VSNL1: variants seen among roughly 807,000 people sequenced by gnomAD.
VSNL1 encodes visinin like 1.
A neutral mutation model predicts 20.4 loss-of-function variants in VSNL1; 6 were observed. The observed-to-expected ratio is 0.29, with a 90% CI of 0.16 to 0.58. VSNL1 has a LOEUF of 0.58. VSNL1 is among the 20% of genes least tolerant of loss of function. The pLI is 0.90. For synonymous variants in VSNL1, 93 were observed against 86.4 expected (o/e 1.08, Z -0.42); for missense variants, 100 against 234.5 (o/e 0.43, Z 3.75).
At chr2:17,599,502 C>T (rs1284650607) in intron 2 of VSNL1, among the ~76,000 whole-genome samples, 2 of 152,180 alleles carry the variant, frequency 1.3e-5, no homozygotes, top group African/African-American at 4.8e-5. Context: ...TCTTGGCAGC[C>T]TTGCTGAGAT....
At chr2:17,636,653 TTGAA>T (rs539534123) in intron 2 of VSNL1, among the ~76,000 whole-genome samples, 6 of 152,356 alleles carry the variant, frequency 3.9e-5, no homozygotes, top group East Asian at 1.9e-4. Flanking sequence ...TGATTACATG[TTGAA>T]TGAATGATGT....
chr2:17,631,521 A>G (rs1339695547), intron 2 of VSNL1, among the ~76,000 whole-genome samples: 2 of 152,226 alleles, frequency 1.3e-5, no homozygotes, highest in East Asian at 3.8e-4. Flanking sequence ...TGGTTTGACA[A>G]TATGGGTCAC....
chr2:17,639,837 G>A (rs1665843225), intron 2 of VSNL1, among the ~76,000 whole-genome samples: 1 of 152,196 alleles, frequency 6.6e-6, no homozygotes, highest in African/African-American at 2.4e-5. Context: ...CTGTTCAATA[G>A]TGGAAGAACT....
chr2:17,628,452 C>T (rs773099330), intron 2 of VSNL1, among the ~76,000 whole-genome samples: 5 of 152,196 alleles, frequency 3.3e-5, no homozygotes, highest in East Asian at 1.9e-4. Flanking sequence ...CACTAGGTAC[C>T]GAGGGGCAGG....
chr2:17,632,339 C>T (rs192103730), intron 2 of VSNL1, among the ~76,000 whole-genome samples: 9 of 151,988 alleles, frequency 5.9e-5, no homozygotes, highest in Non-Finnish European at 1.3e-4. Context: ...GTCTTGCTGT[C>T]GCCCAGGCTG....
At chr2:17,587,564 C>G (rs558193994) in intron 1 of VSNL1, among the ~76,000 whole-genome samples, 2 of 152,212 alleles carry the variant, frequency 1.3e-5, no homozygotes, top group South Asian at 4.2e-4. Flanking sequence ...AACCTGCTAT[C>G]AAGACAGGGT....
At chr2:17,632,450 A>G (rs1665656333) in intron 2 of VSNL1, among the ~76,000 whole-genome samples, 1 of 151,912 alleles carries the variant, frequency 6.6e-6, no homozygotes, top group African/African-American at 2.4e-5. Context: ...ACAGGCATGC[A>G]TCACCACACC....
intron 1 of VSNL1, among the ~76,000 whole-genome samples, chr2:17,563,231 G>A (rs568593430): frequency 2.6e-5 from 4 of 152,306 alleles, no homozygotes; most frequent in Admixed American, 2.0e-4. Context: ...TATCCTCAGA[G>A]CAAAACCCAG....
At chr2:17,585,260 TGTG>T (rs1178130563) in intron 1 of VSNL1, among the ~76,000 whole-genome samples, 1 of 152,004 alleles carries the variant, frequency 6.6e-6, no homozygotes, top group Non-Finnish European at 1.5e-5. Flanking sequence ...AATGCCAGCT[TGTG>T]GTCCACACCC....
intron 1 of VSNL1, among the ~76,000 whole-genome samples, chr2:17,543,117 C>T (rs2103332652): frequency 6.6e-6 from 1 of 152,296 alleles, no homozygotes. Context: ...CATTTCTCTT[C>T]CTTGCCTCTC....
At chr2:17,593,724 T>A (rs1664648199) in intron 2 of VSNL1, among the ~76,000 whole-genome samples, 1 of 152,230 alleles carries the variant, frequency 6.6e-6, no homozygotes, top group African/African-American at 2.4e-5. Context: ...CATGCCAAGA[T>A]CTTTTCTATA....
intron 1 of VSNL1, among the ~76,000 whole-genome samples, chr2:17,549,839 A>G (rs1663486428): frequency 6.6e-6 from 1 of 152,230 alleles, no homozygotes; most frequent in Non-Finnish European, 1.5e-5. Context: ...TATACTTATC[A>G]ACATTTCATT....
At chr2:17,575,890 T>A (rs1177822596) in intron 1 of VSNL1, among the ~76,000 whole-genome samples, 1 of 152,228 alleles carries the variant, frequency 6.6e-6, no homozygotes, top group East Asian at 1.9e-4. Flanking sequence ...GTTAATATGA[T>A]AACCTATAAG....
intron 1 of VSNL1, among the ~76,000 whole-genome samples, chr2:17,569,986 T>A (rs1664044083): frequency 6.6e-6 from 1 of 152,214 alleles, no homozygotes; most frequent in Non-Finnish European, 1.5e-5. Flanking sequence ...GTTTTAAAGT[T>A]TTTATTTTGG....
intron 3 of VSNL1, among the ~76,000 whole-genome samples, chr2:17,654,896 T>C (rs1666193194): frequency 6.6e-6 from 1 of 152,208 alleles, no homozygotes; most frequent in African/African-American, 2.4e-5. Context: ...AGACCTGTGA[T>C]GTGCCAGGCA....
chr2:17,542,641 AAG>A (rs1409511653), intron 1 of VSNL1, among the ~76,000 whole-genome samples: 3 of 152,250 alleles, frequency 2.0e-5, no homozygotes, highest in African/African-American at 7.2e-5. Context: ...TCCAGGGCAG[AAG>A]GACTAATCAT....
intron 1 of VSNL1, among the ~76,000 whole-genome samples, chr2:17,564,479 C>T (rs1404661638): frequency 6.6e-6 from 1 of 152,144 alleles, no homozygotes; most frequent in Non-Finnish European, 1.5e-5. Flanking sequence ...AAAACAACAA[C>T]AGCAGCAACT....
chr2:17,620,247 C>A (rs548364741), intron 2 of VSNL1, among the ~76,000 whole-genome samples: 1 of 152,338 alleles, frequency 6.6e-6, no homozygotes, highest in Non-Finnish European at 1.5e-5. Flanking sequence ...GAGCCAGGCC[C>A]TTCTCATGGG....
At chr2:17,586,885 C>G (rs1009043170) in intron 1 of VSNL1, among the ~76,000 whole-genome samples, 1 of 152,120 alleles carries the variant, frequency 6.6e-6, no homozygotes, top group Non-Finnish European at 1.5e-5. Context: ...AAGGGGCATT[C>G]CAGGCAGAAG....
Sources: gnomAD v4.1 joint callset for allele counts (sites outside exome capture counted in the v4.1 genomes callset) on GRCh38, gnomAD v4.1.1 for gene constraint, MANE v1.5 for transcripts, NCBI Gene and HGNC (gene_info 2026-07-23, HGNC 2026-07-21) for gene names.